TTC7B: variants seen among roughly 807,000 people sequenced by gnomAD.
The protein encoded by TTC7B is tetratricopeptide repeat protein 7B.
In TTC7B, 28 loss-of-function variants were observed where a neutral mutation model predicts 106.8. The ratio of observed to expected loss-of-function variants is 0.26; its 90% confidence interval spans 0.19 to 0.36. The LOEUF (loss-of-function observed/expected upper bound fraction) is 0.36, where lower values mean the gene tolerates loss of function less well. Ranked by LOEUF, TTC7B falls within the 10% of genes least tolerant of loss-of-function variation. TTC7B has a pLI of 1.00. For missense variants in TTC7B, 862 were observed against 1,076.4 expected (o/e 0.80, Z 2.79); for synonymous variants, 405 against 430.6 (o/e 0.94, Z 0.74).
At position 90,780,781 on chromosome 14, in the gene TTC7B, C is replaced by A. The variant is rs148926094; in HGVS notation, c.402G>T (p.Pro134=). 1 of 1,614,266 alleles carries A rather than the reference C, an allele frequency of 6.2e-7. No homozygotes were observed. Among genetic ancestry groups the A allele is most frequent in the African/African-American group, 1.3e-5 (1 of 75,078 alleles). ...CTGCGATCACCCGCAGCCTGTAGGG[C>A]GGGACAGCTGTCAGTGGCAGATCGT... ...GLDDLPLTAV[P]PYRLRVIAEA... is the part of the protein sequence containing the mutation. Residue 134 remains proline (P), a synonymous_variant, in exon 3 of 20, where the codon CCG becomes CCT. Transcript: ENST00000328459.
intron 9 of TTC7B, among the ~76,000 whole-genome samples, chr14:90,660,395 C>CAAAAAAAAAAAAAAA (rs57030874): frequency 4.4e-4 from 18 of 40,880 alleles, no homozygotes; most frequent in South Asian, 9.6e-4. Context: ...CACCCTGTCT[C>CAAAAAAAAAAAAAAA]AAAAAAAAAA....
chr14:90,605,612 G>C (rs1223197145), intron 17 of TTC7B: 2 of 1,284,610 alleles, frequency 1.6e-6, no homozygotes, highest in South Asian at 1.2e-5. Context: ...GAGGGTTCCC[G>C]GCGGGGACCT....
At chr14:90,626,664 A>G (rs1026348278) in intron 15 of TTC7B, among the ~76,000 whole-genome samples, 8 of 152,220 alleles carry the variant, frequency 5.3e-5, no homozygotes, top group African/African-American at 1.9e-4. Flanking sequence ...TGAAACGTGC[A>G]CTGGCCTGAC....
At chr14:90,562,032 C>T (rs1890612849) in intron 19 of TTC7B, among the ~76,000 whole-genome samples, 1 of 152,182 alleles carries the variant, frequency 6.6e-6, no homozygotes, top group Non-Finnish European at 1.5e-5. Context: ...GAATTTATAT[C>T]TCAGGCAGTC....
At chr14:90,790,593 G>A (rs771995807) in intron 1 of TTC7B, among the ~76,000 whole-genome samples, 4 of 151,390 alleles carry the variant, frequency 2.6e-5, no homozygotes, top group Admixed American at 6.6e-5. Context: ...CCCTCCTCAC[G>A]ACCTCACCCC....
At chr14:90,646,016 C>T (rs987070464) in intron 14 of TTC7B, among the ~76,000 whole-genome samples, 1 of 152,166 alleles carries the variant, frequency 6.6e-6, no homozygotes, top group Non-Finnish European at 1.5e-5. Context: ...GATGGTCAAT[C>T]AATGCCCACA....
At chr14:90,770,227 A>T (rs1232005484) in intron 3 of TTC7B, among the ~76,000 whole-genome samples, 1 of 152,256 alleles carries the variant, frequency 6.6e-6, no homozygotes, top group Non-Finnish European at 1.5e-5. Context: ...AAGATACAAC[A>T]GTTATAAACA....
intron 3 of TTC7B, among the ~76,000 whole-genome samples, chr14:90,758,295 C>CGGCGGCACCTGCGGCACCT (rs1890374275): frequency 7.0e-6 from 1 of 142,206 alleles, no homozygotes; most frequent in Non-Finnish European, 1.5e-5. Context: ...GCGGCACCTG[C>CGGCGGCACCTGCGGCACCT]GCGAGATGCA....
chr14:90,694,233 A>G (rs538137081), intron 6 of TTC7B, among the ~76,000 whole-genome samples: 5 of 152,204 alleles, frequency 3.3e-5, no homozygotes, highest in South Asian at 4.1e-4. Flanking sequence ...GCGAGACTCT[A>G]TCTCAAAACA....
intron 7 of TTC7B, among the ~76,000 whole-genome samples, chr14:90,688,568 A>T (rs1887337410): frequency 7.2e-6 from 1 of 138,904 alleles, no homozygotes. Flanking sequence ...GGTTGCAGTG[A>T]GCCAACATCA....
chr14:90,646,370 T>A (rs1595241549), intron 14 of TTC7B, among the ~76,000 whole-genome samples: 2 of 152,302 alleles, frequency 1.3e-5, no homozygotes, highest in African/African-American at 4.8e-5. Flanking sequence ...ATCTAAAAGC[T>A]GCCTTTGGGA....
intron 17 of TTC7B, among the ~76,000 whole-genome samples, chr14:90,596,190 T>A (rs1462081638): frequency 1.3e-5 from 2 of 152,166 alleles, no homozygotes. Context: ...CAATAATAAA[T>A]TATTGCTCTG....
intron 8 of TTC7B, 143 bp from the exon 9 acceptor site, chr14:90,676,803 G>A: frequency 1.2e-6 from 1 of 815,162 alleles, no homozygotes; most frequent in Non-Finnish European, 1.9e-6. Flanking sequence ...TGTCATCTTG[G>A]GTTATTTATT....
rs528773087 is a variant in TTC7B, at chr14:90,699,825, G to C, written c.699-4247C>G. 1.9e-3 allele frequency among the ~76,000 whole-genome samples: 290 copies of C among 152,314 alleles called. 1 individual carries two copies. Among genetic ancestry groups the C allele is most frequent in the African/African-American group, 6.6e-3 (273 of 41,572 alleles). ...CCAGGTTGGTCCCTGAGGACACACT[G>C]TTGAGCAGGGGACACCGTCCCTGCC... On this transcript the variant is annotated intron_variant, in intron 5 of 19. Coordinates refer to ENST00000328459, the MANE Select transcript of TTC7B (RefSeq NM_001010854.2).
chr14:90,746,786 T>A (rs1889980943), intron 3 of TTC7B, among the ~76,000 whole-genome samples: 1 of 152,236 alleles, frequency 6.6e-6, no homozygotes, highest in South Asian at 2.1e-4. Context: ...ATTTTCTAAT[T>A]TAACTTTTGC....
intron 19 of TTC7B, among the ~76,000 whole-genome samples, chr14:90,550,435 A>G (rs941114504): frequency 2.0e-5 from 3 of 152,178 alleles, no homozygotes; most frequent in African/African-American, 4.8e-5. Flanking sequence ...AGCTCCTCCT[A>G]TAACCTGTTG....
At chr14:90,569,446 T>G (rs1890935050) in intron 19 of TTC7B, among the ~76,000 whole-genome samples, 2 of 152,164 alleles carry the variant, frequency 1.3e-5, no homozygotes, top group Non-Finnish European at 2.9e-5. Context: ...GAAACTCCAC[T>G]AGCTGAGAAT....
In TTC7B at chr14:90,807,630, T is replaced by G. The variant is rs2140062764; in HGVS notation, c.121+8545A>C. ...TACCTGGTGCTGTGCCCACACATAG[T>G]AGGTGCACATTAAATGCTAACCATT... On this transcript the variant is annotated intron_variant, in intron 1 of 19. Coordinates refer to ENST00000328459, the MANE Select transcript of TTC7B (RefSeq NM_001010854.2). This position sits in a 1 kb window ranked among gnomAD's most constrained non-coding sequence, Gnocchi z 4.1. Among the ~76,000 whole-genome samples, 1 of 152,344 alleles carries G rather than the reference T, an allele frequency of 6.6e-6. No individual in the cohort carries two copies. Among genetic ancestry groups the G allele is most frequent in the South Asian group, 2.1e-4 (1 of 4,832 alleles).
chr14:90,551,770 G>A (rs1890090338), intron 19 of TTC7B, among the ~76,000 whole-genome samples: 1 of 152,202 alleles, frequency 6.6e-6, no homozygotes, highest in Admixed American at 6.5e-5. Flanking sequence ...CTCCCGGGCG[G>A]CCCTTTCTTC....
Sources: allele counts gnomAD v4.1 joint callset (sites outside exome capture counted in the v4.1 genomes callset), GRCh38; gene constraint gnomAD v4.1.1; non-coding constraint Gnocchi (gnomAD v3.1); transcripts MANE v1.5; gene names NCBI Gene and HGNC (gene_info 2026-07-23, HGNC 2026-07-21).